The following TMEM178B variants were observed in gnomAD, a reference collection of about 807,000 sequenced individuals.
TMEM178B encodes transmembrane protein 178B.
A neutral mutation model predicts 31.0 loss-of-function variants in TMEM178B; 5 were observed. The ratio of observed to expected loss-of-function variants is 0.16; its 90% CI spans 0.08 to 0.34. The LOEUF is 0.34. TMEM178B is among the 10% of genes least tolerant of loss of function. The pLI is 1.00. For synonymous variants in TMEM178B, 164 were observed against 164.0 expected, an observed-to-expected ratio of 1.00 and a Z score of 0.00; for missense variants, 275 against 400.3, an observed-to-expected ratio of 0.69 and a Z score of 2.67.
intron 2 of TMEM178B, among the ~76,000 whole-genome samples, chr7:141,355,655 C>T (rs1181431604): frequency 1.3e-5 from 2 of 152,170 alleles, no homozygotes; most frequent in Non-Finnish European, 2.9e-5. Context: ...TCTGCAGAAG[C>T]TTTTTAGTTT....
At chr7:141,379,598 C>T (rs1800279524) in intron 2 of TMEM178B, among the ~76,000 whole-genome samples, 1 of 152,190 alleles carries the variant, frequency 6.6e-6, no homozygotes. Flanking sequence ...TAATCCTAGG[C>T]CTTGCTGGTT....
chr7:141,085,973 T>A (rs909259160), intron 1 of TMEM178B, among the ~76,000 whole-genome samples: 10 of 152,122 alleles, frequency 6.6e-5, no homozygotes, highest in African/African-American at 1.9e-4. Context: ...AATAAGATAA[T>A]GATGTATGGT....
chr7:141,163,967 A>G (rs1257097931), intron 1 of TMEM178B, among the ~76,000 whole-genome samples: 1 of 152,206 alleles, frequency 6.6e-6, no homozygotes, highest in African/African-American at 2.4e-5. Context: ...GGGAAATCAA[A>G]TCCCAGCTAA....
intron 2 of TMEM178B, among the ~76,000 whole-genome samples, chr7:141,238,022 T>TAAAAA (rs1207360561): frequency 9.0e-6 from 1 of 111,662 alleles, no homozygotes; most frequent in East Asian, 2.6e-4. Context: ...AGACTCTGTC[T>TAAAAA]AAAAAAAAAA....
At chr7:141,108,454 G>A (rs1420959473) in intron 1 of TMEM178B, among the ~76,000 whole-genome samples, 1 of 152,174 alleles carries the variant, frequency 6.6e-6, no homozygotes, top group African/African-American at 2.4e-5. Context: ...AGCAGAGTGT[G>A]TCATGGTTAG....
intron 1 of TMEM178B, among the ~76,000 whole-genome samples, chr7:141,139,030 C>T (rs1795723327): frequency 6.6e-6 from 1 of 151,768 alleles, no homozygotes; most frequent in Non-Finnish European, 1.5e-5. Context: ...CTTTTTATTC[C>T]TAAAATCATG....
chr7:141,263,138 C>T lies in TMEM178B; in HGVS notation c.496+50434C>T, dbSNP rs528907712. Among the ~76,000 whole-genome samples the T allele has an allele frequency of 2.2e-3, 332 of 152,230 alleles. 3 individuals are homozygous for T. The highest frequency in any genetic ancestry group is 1.5e-3 in the Non-Finnish European group (102 of 68,022). ...CTTGAAAAGGAGCTTTGTTTCTAAG[C>T]GGAGGGGCCCAGCAAGTGGAGGGAA... On this transcript the variant is annotated intron_variant, in intron 2 of 3. Coordinates refer to ENST00000565468, the MANE Select transcript of TMEM178B (RefSeq NM_001195278.2).
intron 1 of TMEM178B, among the ~76,000 whole-genome samples, chr7:141,104,930 G>A (rs1410836457): frequency 6.6e-6 from 1 of 152,164 alleles, no homozygotes; most frequent in African/African-American, 2.4e-5. Context: ...TTCAACATGG[G>A]AGTTTTAGGA....
chr7:141,374,366 G>T (rs1563165143), intron 2 of TMEM178B, among the ~76,000 whole-genome samples: 1 of 151,824 alleles, frequency 6.6e-6, no homozygotes, highest in Admixed American at 6.6e-5. Context: ...ACTTATTTAG[G>T]CACACACACA....
chr7:141,322,195 G>A (rs532433741), intron 2 of TMEM178B, among the ~76,000 whole-genome samples: 8 of 152,100 alleles, frequency 5.3e-5, no homozygotes, highest in South Asian at 4.2e-4. Context: ...TCACAATGCC[G>A]AGGAGTATAA....
intron 3 of TMEM178B, among the ~76,000 whole-genome samples, chr7:141,441,022 G>C (rs527504623): frequency 6.6e-6 from 1 of 152,318 alleles, no homozygotes; most frequent in African/African-American, 2.4e-5. Flanking sequence ...ACTCTCTCAG[G>C]GGTGGGAGGG....
intron 1 of TMEM178B, among the ~76,000 whole-genome samples, chr7:141,077,298 T>C (rs567108481): frequency 6.6e-6 from 1 of 152,342 alleles, no homozygotes; most frequent in African/African-American, 2.4e-5. Flanking sequence ...GGAAGATATG[T>C]AATGGGCAAG....
At chr7:141,208,276 T>C (rs1796998105) in intron 1 of TMEM178B, among the ~76,000 whole-genome samples, 1 of 152,070 alleles carries the variant, frequency 6.6e-6, no homozygotes, top group African/African-American at 2.4e-5. Context: ...AACCAGCCAG[T>C]CCTCCCCCAC....
At chr7:141,310,233 C>T (rs914213076) in intron 2 of TMEM178B, among the ~76,000 whole-genome samples, 3 of 151,774 alleles carry the variant, frequency 2.0e-5, no homozygotes, top group Non-Finnish European at 4.4e-5. Context: ...CTTAAATTTA[C>T]AAGAAAAAAA....
chr7:141,412,278 C>A (rs1352325498), intron 2 of TMEM178B, among the ~76,000 whole-genome samples: 1 of 152,132 alleles, frequency 6.6e-6, no homozygotes, highest in African/African-American at 2.4e-5. Flanking sequence ...TCTTATGAAA[C>A]AAGACACAAC....
intron 2 of TMEM178B, among the ~76,000 whole-genome samples, chr7:141,263,261 T>A (rs1277943556): frequency 1.3e-5 from 2 of 152,192 alleles, no homozygotes; most frequent in African/African-American, 4.8e-5. Flanking sequence ...CTCTGGCTCC[T>A]TTTTCCTCTT....
chr7:141,310,289 A>G, intron 2 of TMEM178B, among the ~76,000 whole-genome samples: 1 of 152,164 alleles, frequency 6.6e-6, no homozygotes, highest in East Asian at 1.9e-4. Flanking sequence ...GACACTTCTC[A>G]AAAGAATACA....
intron 1 of TMEM178B, among the ~76,000 whole-genome samples, chr7:141,148,893 G>A (rs1275426242): frequency 6.6e-6 from 1 of 152,194 alleles, no homozygotes; most frequent in Admixed American, 6.5e-5. Context: ...TTGAATCTTG[G>A]GGGTGGCATC....
At chr7:141,177,810 C>A (rs1796458256) in intron 1 of TMEM178B, among the ~76,000 whole-genome samples, 1 of 152,092 alleles carries the variant, frequency 6.6e-6, no homozygotes, top group South Asian at 2.1e-4. Flanking sequence ...ATTCCTTCAT[C>A]CCATTATTTT....
Sources: gnomAD v4.1 joint callset for allele counts (sites outside exome capture counted in the v4.1 genomes callset) on GRCh38, gnomAD v4.1.1 for gene constraint, MANE v1.5 for transcripts, NCBI Gene and HGNC (gene_info 2026-07-23, HGNC 2026-07-21) for gene names.